SDK1: variants seen among roughly 807,000 people sequenced by gnomAD.
SDK1 encodes protein sidekick-1.
In SDK1, 157 loss-of-function variants were observed where a neutral mutation model predicts 245.5. The ratio of observed to expected loss-of-function variants is 0.64; its 90% CI spans 0.56 to 0.73. The LOEUF is 0.73. Ranked by LOEUF, SDK1 falls within the 30% of genes least tolerant of loss-of-function variation. SDK1 has a pLI of 0.00. For synonymous variants in SDK1, 1,647 were observed against 1,278.5 expected (o/e 1.29, Z -6.15); for missense variants, 3,583 against 3,002.3 (o/e 1.19, Z -4.52).
chr7:4,034,134 A>C (rs1788044126), intron 17 of SDK1, among the ~76,000 whole-genome samples: 1 of 152,226 alleles, frequency 6.6e-6, no homozygotes, highest in Admixed American at 6.5e-5. Context: ...ATCAAGTTAA[A>C]AAGAAACATC....
chr7:3,984,102 C>T (rs763628251), intron 13 of SDK1, among the ~76,000 whole-genome samples: 7 of 152,146 alleles, frequency 4.6e-5, no homozygotes, highest in African/African-American at 1.2e-4. Flanking sequence ...GTGCCTGCTT[C>T]GGGTAGATAC....
intron 19 of SDK1, among the ~76,000 whole-genome samples, chr7:4,065,694 G>GTTGTTTTTTTTTTT (rs1779841876): frequency 4.5e-5 from 3 of 66,714 alleles, no homozygotes; most frequent in African/African-American, 1.0e-4. Context: ...AGTGGTTGTT[G>GTTGTTTTTTTTTTT]TTTTTTTTTT....
intron 5 of SDK1, among the ~76,000 whole-genome samples, chr7:3,896,400 G>A (rs1374339558): frequency 6.6e-6 from 1 of 152,142 alleles, no homozygotes. Context: ...GCCTCCTCCT[G>A]TTATTTCCTG....
chr7:4,173,109 A>C (rs1410533571), intron 32 of SDK1, among the ~76,000 whole-genome samples: 58 of 152,230 alleles, frequency 3.8e-4, no homozygotes, highest in Admixed American at 3.8e-3. Context: ...GGTGCCTCAC[A>C]GTGAGCCCGA....
At chr7:4,088,539 G>A (rs903892296) in intron 22 of SDK1, among the ~76,000 whole-genome samples, 5 of 148,636 alleles carry the variant, frequency 3.4e-5, no homozygotes, top group African/African-American at 1.3e-4. Flanking sequence ...TTCTGATCCT[G>A]ATTTCCTAGG....
At chr7:3,455,100 A>G (rs1405431048) in intron 1 of SDK1, among the ~76,000 whole-genome samples, 1 of 150,982 alleles carries the variant, frequency 6.6e-6, no homozygotes, top group Non-Finnish European at 1.5e-5. Context: ...ATCATATGAT[A>G]TCTGTTCGTG....
intron 1 of SDK1, among the ~76,000 whole-genome samples, chr7:3,497,288 A>G (rs1782054376): frequency 6.6e-6 from 1 of 152,234 alleles, no homozygotes; most frequent in South Asian, 2.1e-4. Flanking sequence ...GTGAAATAAA[A>G]TGTACGCAAG....
chr7:3,525,575 T>C (rs1007686906), intron 1 of SDK1, among the ~76,000 whole-genome samples: 2 of 152,164 alleles, frequency 1.3e-5, no homozygotes, highest in Non-Finnish European at 2.9e-5. Context: ...ATCCTTCTGA[T>C]TGCAAAGGCC....
At chr7:3,750,105 A>G (rs1019401484) in intron 4 of SDK1, among the ~76,000 whole-genome samples, 6 of 152,216 alleles carry the variant, frequency 3.9e-5, no homozygotes, top group Admixed American at 1.3e-4. Flanking sequence ...TTGGCAAAAA[A>G]TGTTTCACTC....
intron 1 of SDK1, among the ~76,000 whole-genome samples, chr7:3,534,227 G>C (rs1022500217): frequency 6.6e-6 from 1 of 151,658 alleles, no homozygotes; most frequent in Non-Finnish European, 1.5e-5. Context: ...GCAGGATTTC[G>C]CTCTTTTTTT....
intron 4 of SDK1, among the ~76,000 whole-genome samples, chr7:3,716,669 G>A (rs1476765932): frequency 1.3e-5 from 2 of 151,360 alleles, no homozygotes; most frequent in African/African-American, 4.9e-5. Flanking sequence ...CTGAGGTGGA[G>A]AACTGCTTGA....
chr7:3,791,587 G>T (rs1247944858), intron 4 of SDK1, among the ~76,000 whole-genome samples: 1 of 152,198 alleles, frequency 6.6e-6, no homozygotes, highest in Non-Finnish European at 1.5e-5. Context: ...CCCAGGCAGA[G>T]ACCGAGTGGG....
chr7:3,843,592 T>G (rs565126964), intron 5 of SDK1, among the ~76,000 whole-genome samples: 2 of 152,358 alleles, frequency 1.3e-5, no homozygotes, highest in South Asian at 4.1e-4. Flanking sequence ...TGGAAATTAA[T>G]TAGTTTCTTT....
intron 4 of SDK1, among the ~76,000 whole-genome samples, chr7:3,685,785 C>T (rs1469779558): frequency 3.3e-5 from 5 of 151,980 alleles, no homozygotes; most frequent in South Asian, 2.1e-4. Context: ...TACAGAAAAA[C>T]GTTAGAAATA....
chr7:4,178,089 G>T (rs550279610), intron 34 of SDK1, among the ~76,000 whole-genome samples: 2 of 152,322 alleles, frequency 1.3e-5, no homozygotes, highest in South Asian at 2.1e-4. Context: ...GAGGGATGGG[G>T]AGCAACTGTC....
intron 22 of SDK1, among the ~76,000 whole-genome samples, chr7:4,083,797 C>CCCTTCTTTACTT (rs1781253464): frequency 2.7e-5 from 2 of 75,184 alleles, no homozygotes; most frequent in Non-Finnish European, 5.9e-5. Context: ...TTTCCTCTCT[C>CCCTTCTTTACTT]CCTCCCTTCC....
intron 44 of SDK1, among the ~76,000 whole-genome samples, chr7:4,256,315 T>C (rs1433884219): frequency 6.6e-6 from 1 of 152,240 alleles, no homozygotes; most frequent in African/African-American, 2.4e-5. Flanking sequence ...CACATTGCCA[T>C]TCCAGAAATA....
At chr7:3,381,024 A>G (rs1360273788) in intron 1 of SDK1, among the ~76,000 whole-genome samples, 2 of 152,160 alleles carry the variant, frequency 1.3e-5, no homozygotes. Flanking sequence ...GAGAGAATGG[A>G]TATTGGTAGG....
At chr7:4,228,563 C>T (rs1027830008) in intron 40 of SDK1, among the ~76,000 whole-genome samples, 18 of 152,216 alleles carry the variant, frequency 1.2e-4, no homozygotes, top group Admixed American at 9.1e-4. Flanking sequence ...TTTTTGAAAC[C>T]GAGTCTCACT....
Sources: gnomAD v4.1 joint callset for allele counts (sites outside exome capture counted in the v4.1 genomes callset) on GRCh38, gnomAD v4.1.1 for gene constraint, MANE v1.5 for transcripts, NCBI Gene and HGNC (gene_info 2026-07-23, HGNC 2026-07-21) for gene names.